The following NFIA variants were observed in gnomAD, a reference collection of about 807,000 sequenced individuals.
NFIA encodes the protein nuclear factor 1 A-type.
Under a neutral mutation model 62.8 loss-of-function variants are expected in NFIA, and 8 were observed. That is an observed-to-expected ratio of 0.13 (90% CI 0.07 to 0.23). The LOEUF (loss-of-function observed/expected upper bound fraction) is 0.23. Among genes scored for constraint, NFIA ranks in the 10% least tolerant of loss-of-function variants. The pLI is 1.00. For synonymous variants in NFIA, 235 were observed against 238.1 expected, an observed-to-expected ratio of 0.99 and a Z score of 0.12; for missense variants, 410 against 642.1, an observed-to-expected ratio of 0.64 and a Z score of 3.91.
At chr1:61,365,353 C>A (rs964784084) in intron 6 of NFIA, among the ~76,000 whole-genome samples, 2 of 152,166 alleles carry the variant, frequency 1.3e-5, no homozygotes, top group Non-Finnish European at 2.9e-5. Context: ...CAGTACTTGT[C>A]TGGAAGCCAC....
rs1655548871 is a variant in NFIA at position 61,244,895 on chromosome 1, T to C, written c.560-32625T>C. On this transcript the variant is annotated intron_variant, in intron 2 of 10. Transcript: ENST00000403491. ...TTTCTACCTGTCTAGATTTAAATTG[T>C]CAACCATTAAGTAGACTGAGCAATA... Among the ~76,000 whole-genome samples the C allele has an allele frequency of 2.0e-5, 3 of 152,360 alleles. No homozygotes were observed. In the South Asian group the frequency reaches 6.2e-4, roughly 32 times the overall value.
At chr1:61,194,316 A>AT (rs1032004513) in intron 2 of NFIA, among the ~76,000 whole-genome samples, 36 of 152,248 alleles carry the variant, frequency 2.4e-4, no homozygotes, top group African/African-American at 8.7e-4. Context: ...ATTTTCTAGT[A>AT]TTTTTAAAGT....
intron 10 of NFIA, among the ~76,000 whole-genome samples, chr1:61,442,008 G>A (rs1569889604): frequency 6.6e-6 from 1 of 152,022 alleles, no homozygotes; most frequent in East Asian, 1.9e-4. Flanking sequence ...AGAACTGCCG[G>A]ATGAAACTCA....
At chr1:61,311,572 G>A (rs976708168) in intron 3 of NFIA, among the ~76,000 whole-genome samples, 3 of 152,078 alleles carry the variant, frequency 2.0e-5, no homozygotes, top group African/African-American at 7.2e-5. Flanking sequence ...AGCACCCATG[G>A]CCTCTACTCA....
intron 2 of NFIA, among the ~76,000 whole-genome samples, chr1:61,105,086 T>C (rs1374071974): frequency 6.6e-6 from 1 of 152,042 alleles, no homozygotes; most frequent in African/African-American, 2.4e-5. Flanking sequence ...AGGGTCATCC[T>C]ATTATAACTG....
intron 10 of NFIA, among the ~76,000 whole-genome samples, chr1:61,430,698 G>A (rs894001359): frequency 6.6e-6 from 1 of 151,958 alleles, no homozygotes; most frequent in Non-Finnish European, 1.5e-5. Context: ...AAGCAGAATT[G>A]CCTTCTCTTT....
At chr1:61,258,901 T>C (rs997188519) in intron 2 of NFIA, among the ~76,000 whole-genome samples, 1 of 151,984 alleles carries the variant, frequency 6.6e-6, no homozygotes, top group African/African-American at 2.4e-5. Context: ...CTAATTTTTT[T>C]GTAGAGACGG....
intron 3 of NFIA, among the ~76,000 whole-genome samples, chr1:61,311,537 G>A (rs1231670724): frequency 6.6e-6 from 1 of 152,168 alleles, no homozygotes; most frequent in African/African-American, 2.4e-5. Flanking sequence ...GTGGGTCACT[G>A]TCCTGTGCGT....
chr1:61,359,409 A>T, intron 6 of NFIA, 135 bp downstream of exon 6: 1 of 1,267,930 alleles, frequency 7.9e-7, no homozygotes, highest in Non-Finnish European at 1.1e-6. Flanking sequence ...ACTTGTTTGT[A>T]TTGTAATCTG....
chr1:61,359,110 C>T lies in NFIA; in HGVS notation c.819-37C>T, dbSNP rs201047414. ...GCAGTGTCCAAGAGAAAGGTGGTTG[C>T]GATTGCTTTTAAACATGCACCCATT... On this transcript the variant is annotated intron_variant, in intron 5 of 10. Transcript: ENST00000403491. 73 of 1,605,080 alleles carry T rather than the reference C, an allele frequency of 4.5e-5. No homozygotes were observed. In the African/African-American group the frequency reaches 7.6e-4, roughly 17 times the overall value.
chr1:61,159,680 C>CTTTTTTTTTTTTTTTTTT (rs11300026), intron 2 of NFIA, among the ~76,000 whole-genome samples: 1 of 85,850 alleles, frequency 1.2e-5, no homozygotes, highest in Non-Finnish European at 2.5e-5. Context: ...AATGTAGATG[C>CTTTTTTTTTTTTTTTTTT]TTTTTTTTTT....
intron 2 of NFIA, among the ~76,000 whole-genome samples, chr1:61,100,374 T>G (rs528709321): frequency 6.6e-6 from 1 of 152,276 alleles, no homozygotes; most frequent in South Asian, 2.1e-4. Context: ...ACTGTGTGAC[T>G]GGCAGTTCAG....
intron 2 of NFIA, among the ~76,000 whole-genome samples, chr1:61,220,653 A>C (rs530689740): frequency 2.6e-5 from 4 of 152,354 alleles, no homozygotes; most frequent in African/African-American, 9.6e-5. Flanking sequence ...ATGTAATCAT[A>C]ATAATGGCAT....
chr1:61,087,363 A>T (rs917748796), intron 1 of NFIA, among the ~76,000 whole-genome samples: 5 of 151,992 alleles, frequency 3.3e-5, no homozygotes, highest in Middle Eastern at 3.2e-3. Context: ...GTATTCATGT[A>T]TGCTTTTCTT....
chr1:61,164,369 T>A (rs1649423118), intron 2 of NFIA, among the ~76,000 whole-genome samples: 1 of 152,190 alleles, frequency 6.6e-6, no homozygotes, highest in African/African-American at 2.4e-5. Flanking sequence ...CCCTTATGAT[T>A]TACTGGCCAA....
intron 2 of NFIA, among the ~76,000 whole-genome samples, chr1:61,226,755 G>T (rs534747899): frequency 6.6e-6 from 1 of 152,152 alleles, no homozygotes; most frequent in Admixed American, 6.5e-5. Context: ...ACGAATGCTT[G>T]CTCAAGAGTC....
intron 2 of NFIA, among the ~76,000 whole-genome samples, chr1:61,186,182 T>C (rs993641553): frequency 6.6e-6 from 1 of 151,952 alleles, no homozygotes; most frequent in East Asian, 1.9e-4. Context: ...AGCACACTGG[T>C]TGGGAGAAGA....
chr1:61,150,738 G>T (rs560085321), intron 2 of NFIA, among the ~76,000 whole-genome samples: 1 of 152,148 alleles, frequency 6.6e-6, no homozygotes, highest in African/African-American at 2.4e-5. Context: ...CAAAGAGCCC[G>T]ATCGAATACT....
chr1:61,270,430 T>C (rs1038618851), intron 2 of NFIA, among the ~76,000 whole-genome samples: 2 of 152,222 alleles, frequency 1.3e-5, no homozygotes, highest in Non-Finnish European at 2.9e-5. Context: ...AGGTGCTACC[T>C]GGACTTAAAT....
Sources: gnomAD v4.1 joint callset for allele counts (sites outside exome capture counted in the v4.1 genomes callset) on GRCh38, gnomAD v4.1.1 for gene constraint, MANE v1.5 for transcripts, NCBI Gene and HGNC (gene_info 2026-07-23, HGNC 2026-07-21) for gene names.